Variants in LRP1B observed in about 807,000 individuals in gnomAD.
LRP1B encodes the protein LDL receptor related protein 1B, also known as low-density lipoprotein receptor-related protein 1B.
LRP1B carries 217 observed loss-of-function variants against 556.6 expected under a neutral mutation model. The ratio of observed to expected loss-of-function variants is 0.39; its 90% confidence interval spans 0.35 to 0.44. The LOEUF (loss-of-function observed/expected upper bound fraction) is 0.44, where lower values mean the gene tolerates loss of function less well. Ranked by LOEUF, LRP1B falls within the 20% of genes least tolerant of loss-of-function variation. LRP1B has a pLI of 1.00. For missense variants in LRP1B, 5,053 were observed against 5,620.8 expected, an observed-to-expected ratio of 0.90 and a Z score of 3.23; for synonymous variants, 2,047 against 1,865.8, an observed-to-expected ratio of 1.10 and a Z score of -2.50.
intron 43 of LRP1B, among the ~76,000 whole-genome samples, chr2:140,575,950 A>G (rs1037632737): frequency 2.6e-5 from 4 of 151,880 alleles, no homozygotes; most frequent in African/African-American, 4.8e-5. Flanking sequence ...AACAAAAAAA[A>G]AGTATCAAAG....
chr2:140,715,861 G>T, intron 37 of LRP1B, 112 bp downstream of exon 37: 1 of 817,914 alleles, frequency 1.2e-6, no homozygotes, highest in East Asian at 2.6e-5. Flanking sequence ...GCTTAGGTAA[G>T]ATATTCTTGA....
At chr2:141,080,663 G>T (rs966122254) in intron 7 of LRP1B, among the ~76,000 whole-genome samples, 4 of 152,168 alleles carry the variant, frequency 2.6e-5, no homozygotes, top group Non-Finnish European at 5.9e-5. Flanking sequence ...GCATACAAAA[G>T]ACACCGTCAG....
At chr2:140,912,546 T>A (rs1017215175) in intron 21 of LRP1B, among the ~76,000 whole-genome samples, 1 of 151,738 alleles carries the variant, frequency 6.6e-6, no homozygotes, top group African/African-American at 2.4e-5. Context: ...TACTAATTCT[T>A]TTTTAGAAGA....
rs1244959012 is a variant in LRP1B at position 141,638,993 on chromosome 2, A to AAT, written c.206-158462_206-158461dup. ...TGGCTACCTTAGAGTCTCAAAAAAA[A>AAT]ATATATATATATATATATTGCCTAG... On this transcript the variant is annotated intron_variant, in intron 2 of 90. Transcript: ENST00000389484. 1.0e-3 allele frequency among the ~76,000 whole-genome samples: 68 copies of AAT among 67,678 alleles called. 13 individuals are homozygous for AAT. Among genetic ancestry groups the AAT allele is most frequent in the African/African-American group, 3.2e-3 (68 of 21,204 alleles). The allele number at this position is 67,678 out of a possible 152,430, so 44.4% of individuals were successfully genotyped here.
rs143152115 is a variant in LRP1B, at chr2:140,756,352, T to C, written c.5758+12861A>G. On this transcript the variant is annotated intron_variant, in intron 35 of 90. Coordinates refer to ENST00000389484, the MANE Select transcript of LRP1B (RefSeq NM_018557.3). ...GCTAATCCTTAAACTCATAAGACAA[T>C]ACAAGGACTCAAAAATAACCAAAAA... 5.1e-3 allele frequency among the ~76,000 whole-genome samples: 773 copies of C among 151,988 alleles called. 2 individuals are homozygous for C. Among genetic ancestry groups the C allele is most frequent in the African/African-American group, 0.017 (713 of 41,498 alleles).
chr2:140,532,750 T>G (rs13429216), intron 47 of LRP1B, among the ~76,000 whole-genome samples: 4 of 151,826 alleles, frequency 2.6e-5, no homozygotes, highest in African/African-American at 7.3e-5. Context: ...ATCAAATTAC[T>G]TTCAGTTTCA....
chr2:142,009,230 C>T (rs1702883301), intron 1 of LRP1B, among the ~76,000 whole-genome samples: 1 of 152,122 alleles, frequency 6.6e-6, no homozygotes, highest in Admixed American at 6.6e-5. Flanking sequence ...AAGAAGTTAT[C>T]ATAATGGCAG....
At chr2:140,546,378 T>A (rs1680340172) in intron 43 of LRP1B, among the ~76,000 whole-genome samples, 1 of 152,064 alleles carries the variant, frequency 6.6e-6, no homozygotes, top group Non-Finnish European at 1.5e-5. Context: ...ATGCTGCTAA[T>A]AAAGACATAC....
chr2:141,658,002 C>A (rs1690078035), intron 2 of LRP1B, among the ~76,000 whole-genome samples: 1 of 152,246 alleles, frequency 6.6e-6, no homozygotes, highest in Admixed American at 6.5e-5. Context: ...AAATACAGTA[C>A]CACAAATGAA....
intron 2 of LRP1B, among the ~76,000 whole-genome samples, chr2:141,487,684 G>A (rs575494276): frequency 6.6e-6 from 1 of 151,998 alleles, no homozygotes; most frequent in Non-Finnish European, 1.5e-5. Flanking sequence ...CCCACTCCTG[G>A]ATCTTTCTTT....
chr2:141,055,377 A>G, intron 9 of LRP1B, 118 bp from the exon 10 acceptor site: 1 of 935,300 alleles, frequency 1.1e-6, no homozygotes, highest in South Asian at 1.8e-5. Flanking sequence ...AAAATTTTGT[A>G]TACTCAACTA....
chr2:141,574,822 G>A (rs1329139643), intron 2 of LRP1B, among the ~76,000 whole-genome samples: 1 of 152,010 alleles, frequency 6.6e-6, no homozygotes. Context: ...TAGGCAAGCA[G>A]AGGGCCAAAT....
At chr2:140,869,669 T>C in intron 25 of LRP1B, among the ~76,000 whole-genome samples, 1 of 152,022 alleles carries the variant, frequency 6.6e-6, no homozygotes, top group East Asian at 1.9e-4. Context: ...AAGGTAGAAT[T>C]GTCAGGACTA....
intron 16 of LRP1B, among the ~76,000 whole-genome samples, chr2:140,991,609 A>G (rs186712814): frequency 8.3e-4 from 126 of 152,236 alleles, no homozygotes; most frequent in African/African-American, 3.0e-3. Context: ...TTCTCATGAA[A>G]ATATTAATCT....
chr2:140,672,262 G>A (rs527690861), intron 41 of LRP1B, among the ~76,000 whole-genome samples: 33 of 152,020 alleles, frequency 2.2e-4, no homozygotes, highest in East Asian at 1.4e-3. Context: ...CCAAGGCGGC[G>A]GGTCACAAGG....
At chr2:140,824,532 A>G (rs1370501876) in intron 31 of LRP1B, among the ~76,000 whole-genome samples, 1 of 152,134 alleles carries the variant, frequency 6.6e-6, no homozygotes, top group Non-Finnish European at 1.5e-5. Flanking sequence ...AGCTAGAGAA[A>G]AAGCAAGAGG....
chr2:141,846,297 T>C (rs1308475865), intron 1 of LRP1B, among the ~76,000 whole-genome samples: 2 of 151,766 alleles, frequency 1.3e-5, no homozygotes, highest in East Asian at 3.9e-4. Context: ...AATTGATAAC[T>C]TTCTGGGAAA....
chr2:142,017,520 G>A (rs536951692), intron 1 of LRP1B, among the ~76,000 whole-genome samples: 20 of 152,168 alleles, frequency 1.3e-4, no homozygotes, highest in African/African-American at 4.3e-4. Context: ...CACATCTTGT[G>A]AGCAGCCTGG....
In LRP1B at chr2:140,730,620, C is replaced by T. The variant is rs56279540; in HGVS notation, c.5759-13804G>A. On this transcript the variant is annotated intron_variant, in intron 35 of 90. Coordinates refer to ENST00000389484, the MANE Select transcript of LRP1B (RefSeq NM_018557.3). ...AGTCACCCAGGCTGGAGTTCAGTGG[C>T]GAGATCTCGGCTCACTGCAACCTCT... Among the ~76,000 whole-genome samples the T allele has an allele frequency of 9.4e-3, 1,430 of 152,100 alleles. 20 individuals are homozygous for T. The highest frequency in any genetic ancestry group is 0.033 in the African/African-American group (1,361 of 41,466).
Sources: allele counts gnomAD v4.1 joint callset (sites outside exome capture counted in the v4.1 genomes callset), GRCh38; gene constraint gnomAD v4.1.1; transcripts MANE v1.5; gene names NCBI Gene and HGNC (gene_info 2026-07-23, HGNC 2026-07-21).